The following UGT2B7 variants were observed in gnomAD, a reference collection of about 807,000 sequenced individuals.
UGT2B7 encodes the protein UDP-glucuronosyltransferase 2B7.
UGT2B7 carries 51 observed loss-of-function variants against 51.9 expected under a neutral mutation model. The ratio of observed to expected loss-of-function variants is 0.98; its 90% CI spans 0.78 to 1.24. The LOEUF (loss-of-function observed/expected upper bound fraction) is 1.24, where lower values mean the gene tolerates loss of function less well. Ranked by LOEUF, UGT2B7 falls within the 50% of genes most tolerant of loss-of-function variation. UGT2B7 has a pLI of 0.00. For synonymous variants in UGT2B7, 225 were observed against 211.6 expected (o/e 1.06, Z -0.55); for missense variants, 727 against 628.4 (o/e 1.16, Z -1.68).
upstream of UGT2B7, among the ~76,000 whole-genome samples, chr4:69,095,016 C>A (rs1719183679): frequency 6.6e-6 from 1 of 152,288 alleles, no homozygotes; most frequent in East Asian, 1.9e-4. Context: ...TCTGTTACAT[C>A]ATTAAGTTCC....
At position 69,112,605 on chromosome 4, in the gene UGT2B7, C is replaced by T. The variant is rs769633349; in HGVS notation, c.1459C>T (p.Gln487Ter). ...RVAAHDLTWFQYHSLDVIGFL... is the reference protein window; with the variant it reads ...RVAAHDLTWF ...TGCAGCCCACGACCTCACCTGGTTC[C>T]AGTACCACTCTTTGGATGTGATTGG... is the stretch of plus-strand genomic sequence containing the variant. Residue 487 changes from glutamine (Q) to a stop codon, truncating the protein, a stop_gained, in exon 6 of 6, where the codon CAG becomes TAG. Transcript: ENST00000305231. LOFTEE classifies it high-confidence loss of function. 44 of 1,613,814 alleles carry T rather than the reference C, an allele frequency of 2.7e-5. 1 individual carries two copies. In the South Asian group the frequency reaches 4.8e-4, roughly 18 times the overall value.
chr4:69,067,992 G>T (rs1038682252), intron 1 of UGT2B7, among the ~76,000 whole-genome samples: 1 of 151,992 alleles, frequency 6.6e-6, no homozygotes, highest in Non-Finnish European at 1.5e-5. Flanking sequence ...TTCAGAATGA[G>T]AACTCATCAA....
intron 2 of UGT2B7, among the ~76,000 whole-genome samples, chr4:69,099,197 A>C (rs1163121405): frequency 6.7e-6 from 1 of 149,820 alleles, no homozygotes; most frequent in Admixed American, 6.7e-5. Context: ...GTCACTGATT[A>C]GTAAGATGAG....
At position 69,102,997 on chromosome 4, in the gene UGT2B7, A is replaced by C; in HGVS notation, c.1002+59A>C. ...ACTGAAAGAGGCTGTTAAAGTTTGA[A>C]GTAATCCAATTATAGAAACTTCTGA... On this transcript the variant is annotated intron_variant, in intron 3 of 5. Transcript: ENST00000305231. The C allele has an allele frequency of 3.2e-6, 5 of 1,574,858 alleles. No individual in the cohort carries two copies. The East Asian group carries it at 9.1e-5, about 29-fold the overall frequency.
Position 69,112,487 on chromosome 4 carries a change from A to G in UGT2B7, c.1341A>G (p.Arg447=). ...AAGAGAATGTTATGAAATTATCAAG[A>G]ATTCAACATGATCAACCAGTGAAGC... ...SYKENVMKLS[R]IQHDQPVKPL... is the part of the protein sequence containing the mutation. Residue 447 remains arginine (R), a synonymous_variant, in exon 6 of 6, where the codon AGA becomes AGG. Coordinates refer to ENST00000305231, the MANE Select transcript of UGT2B7 (RefSeq NM_001074.4). 6.2e-7 allele frequency: 1 copy of G among 1,613,690 alleles called. No homozygotes were observed. Among genetic ancestry groups the G allele is most frequent in the Admixed American group, 1.7e-5 (1 of 59,958 alleles).
chr4:69,096,947 T>G lies in UGT2B7; in HGVS notation c.427T>G (p.Ser143Ala). The change falls in exon 1 of 6, where the codon TCA becomes GCA. Residue 143 changes from serine (S) to alanine (A), a missense_variant. Ser to Ala is a moderately conservative substitution (Grantham distance 99, BLOSUM62 1). Coordinates refer to ENST00000305231, the MANE Select transcript of UGT2B7 (RefSeq NM_001074.4). ...GAAATTTATGAAAAAAGTACAAGAG[T>G]CAAGATTTGACGTCATTTTTGCAGA... is the stretch of plus-strand genomic sequence containing the variant. Reference protein sequence around the residue: ...NKKFMKKVQESRFDVIFADAI... With the variant: ...NKKFMKKVQEARFDVIFADAI... The G allele has an allele frequency of 1.9e-6, 3 of 1,612,856 alleles. No homozygotes were observed. Among genetic ancestry groups the G allele is most frequent in the Non-Finnish European group, 2.5e-6 (3 of 1,179,668 alleles).
At chr4:69,072,817 C>T (rs1718628889) in intron 1 of UGT2B7, among the ~76,000 whole-genome samples, 1 of 152,096 alleles carries the variant, frequency 6.6e-6, no homozygotes. Flanking sequence ...GTTATATTTG[C>T]ACCCAGGGGA....
At chr4:69,055,481 A>T (rs557614517) in intron 1 of UGT2B7, among the ~76,000 whole-genome samples, 3 of 152,302 alleles carry the variant, frequency 2.0e-5, no homozygotes, top group African/African-American at 7.2e-5. Flanking sequence ...ACAGAAAAAG[A>T]CTAGATCCTA....
chr4:69,094,673 G>C (rs1369306837), upstream of UGT2B7, among the ~76,000 whole-genome samples: 1 of 152,120 alleles, frequency 6.6e-6, no homozygotes, highest in African/African-American at 2.4e-5. Context: ...CTAGTACTTA[G>C]CATGGCTGTG....
chr4:69,102,775 CTT>C (rs748988515), intron 2 of UGT2B7, 30 bp from the exon 3 acceptor site: 1 of 1,608,464 alleles, frequency 6.2e-7, no homozygotes. Context: ...TGCTAATACT[CTT>C]TTGTGATGAA....
At chr4:69,073,464 A>T (rs1718641420) in intron 1 of UGT2B7, among the ~76,000 whole-genome samples, 1 of 152,190 alleles carries the variant, frequency 6.6e-6, no homozygotes, top group African/African-American at 2.4e-5. Context: ...TTCATAAAAG[A>T]TCTAGAATCC....
chr4:69,080,775 G>A (rs1718819899), intron 1 of UGT2B7, among the ~76,000 whole-genome samples: 1 of 151,920 alleles, frequency 6.6e-6, no homozygotes, highest in South Asian at 2.1e-4. Context: ...TCCTCACCAT[G>A]GAATATCTCT....
At chr4:69,065,869 T>G (rs1002367109) in intron 1 of UGT2B7, among the ~76,000 whole-genome samples, 3 of 137,980 alleles carry the variant, frequency 2.2e-5, no homozygotes, top group African/African-American at 2.7e-5. Context: ...TAATCTTCTT[T>G]ATACTAGAAT....
At chr4:69,087,463 G>C (rs986199848) in intron 1 of UGT2B7, among the ~76,000 whole-genome samples, 1 of 151,562 alleles carries the variant, frequency 6.6e-6, no homozygotes, top group Non-Finnish European at 1.5e-5. Context: ...GATATAAATG[G>C]CTTATATACC....
intron 1 of UGT2B7, among the ~76,000 whole-genome samples, chr4:69,079,882 A>G (rs147219495): frequency 1.3e-5 from 2 of 152,210 alleles, no homozygotes; most frequent in East Asian, 3.9e-4. Context: ...CAGAAGTGAT[A>G]CAGCTATACT....
chr4:69,111,110 A>T (rs1719758903), intron 5 of UGT2B7, among the ~76,000 whole-genome samples: 1 of 152,046 alleles, frequency 6.6e-6, no homozygotes, highest in African/African-American at 2.4e-5. Flanking sequence ...AGCGGGAGAG[A>T]GGGGAAAAAA....
rs748435925 is a variant in UGT2B7, at chr4:69,096,719, A to C, written c.199A>C (p.Asn67His). 1.9e-6 allele frequency: 3 copies of C among 1,614,026 alleles called. No homozygotes were observed. The highest frequency in any genetic ancestry group is 1.7e-6 in the Non-Finnish European group (2 of 1,179,926). The stretch of plus-strand genomic sequence containing the variant: ...TTCAGCTTCCATTCTTTTTGATCCC[A>C]ACAACTCATCCGCTCTTAAAATTGA... ...ASSASILFDP[N>H]NSSALKIEIY... Residue 67 changes from asparagine to histidine, a missense_variant, in exon 1 of 6, where the codon AAC (asparagine) becomes CAC (histidine). Coordinates refer to ENST00000305231, the MANE Select transcript of UGT2B7 (RefSeq NM_001074.4).
chr4:69,107,061 G>A (rs4257713), intron 3 of UGT2B7, 114 bp from the exon 4 acceptor site: 229,553 of 1,151,452 alleles, frequency 0.2, 24,194 homozygotes, highest in East Asian at 0.22. Flanking sequence ...TAGTCTTTGA[G>A]TAGTTCTTAT....
chr4:69,075,361 T>G (rs2109870561), intron 1 of UGT2B7, among the ~76,000 whole-genome samples: 1 of 152,284 alleles, frequency 6.6e-6, no homozygotes. Flanking sequence ...CGTCTGTCTG[T>G]CTGTCTCTGT....
Sources: allele counts gnomAD v4.1 joint callset (sites outside exome capture counted in the v4.1 genomes callset), GRCh38; gene constraint gnomAD v4.1.1; transcripts MANE v1.5; gene names NCBI Gene and HGNC (gene_info 2026-07-23, HGNC 2026-07-21).